The following STON2 variants were observed in gnomAD, a reference collection of about 807,000 sequenced individuals.
STON2 encodes stonin-2.
STON2 carries 29 observed loss-of-function variants against 65.7 expected under a neutral mutation model. The observed-to-expected ratio is 0.44, with a 90% CI of 0.33 to 0.60. The LOEUF is 0.60. STON2 is among the 20% of genes least tolerant of loss of function. The pLI, the probability that STON2 is intolerant of heterozygous loss-of-function variation, is 0.03. For synonymous variants in STON2, 404 were observed against 414.2 expected, an observed-to-expected ratio of 0.98 and a Z score of 0.30; for missense variants, 1,054 against 1,118.1, an observed-to-expected ratio of 0.94 and a Z score of 0.82.
At chr14:81,331,136 C>T (rs1897197648) in intron 4 of STON2, among the ~76,000 whole-genome samples, 1 of 152,178 alleles carries the variant, frequency 6.6e-6, no homozygotes, top group Non-Finnish European at 1.5e-5. Context: ...TGTGTACATA[C>T]CTCAAGGCTA....
At chr14:81,333,021 G>C in intron 4 of STON2, 1 of 577,910 alleles carries the variant, frequency 1.7e-6, no homozygotes, top group Middle Eastern at 5.3e-4. Context: ...TCCTCATTCT[G>C]TTCTTGTGTC....
chr14:81,432,838 T>C (rs764004527), intron 1 of STON2, among the ~76,000 whole-genome samples: 2 of 152,270 alleles, frequency 1.3e-5, no homozygotes, highest in African/African-American at 4.8e-5. Context: ...GCAAAACTTC[T>C]GCATGGAGAA....
chr14:81,288,255 G>A (rs1895416650), intron 5 of STON2, among the ~76,000 whole-genome samples: 1 of 152,192 alleles, frequency 6.6e-6, no homozygotes, highest in Non-Finnish European at 1.5e-5. Context: ...GTTAATGACA[G>A]GAATGTATCC....
intron 6 of STON2, among the ~76,000 whole-genome samples, chr14:81,273,772 C>A (rs780861926): frequency 3.3e-5 from 5 of 152,158 alleles, no homozygotes; most frequent in Non-Finnish European, 5.9e-5. Context: ...ACCTGCTGGC[C>A]TCTGCTGCCT....
intron 5 of STON2, among the ~76,000 whole-genome samples, chr14:81,305,421 T>C (rs1896133859): frequency 6.6e-6 from 1 of 152,220 alleles, no homozygotes; most frequent in African/African-American, 2.4e-5. Flanking sequence ...GTGTGGTGTG[T>C]TATATTGTGG....
chr14:81,314,847 T>G lies in STON2; in HGVS notation c.742+9170A>C, dbSNP rs572411272. Among the ~76,000 whole-genome samples the G allele has an allele frequency of 2.6e-4, 39 of 151,570 alleles. No homozygotes were observed. The East Asian group carries it at 5.8e-3, about 23-fold the overall frequency. ...ACCAAATAAAAATAATACCTCTTTG[T>G]TTTTTTTTGTTTTGTTTTTAGAGAC... On this transcript the variant is annotated intron_variant, in intron 5 of 7. Transcript: ENST00000614646.
intron 3 of STON2, among the ~76,000 whole-genome samples, chr14:81,372,976 C>G (rs1899073567): frequency 6.6e-6 from 1 of 152,066 alleles, no homozygotes; most frequent in Non-Finnish European, 1.5e-5. Flanking sequence ...TTGTTCATAT[C>G]CTCTTTTCTT....
chr14:81,386,826 A>G (rs1036824638), intron 3 of STON2, among the ~76,000 whole-genome samples: 2 of 152,092 alleles, frequency 1.3e-5, no homozygotes, highest in South Asian at 2.1e-4. Context: ...TTGCTCTTTT[A>G]GTCCATTTGT....
At chr14:81,306,162 T>C (rs1017765688) in intron 5 of STON2, among the ~76,000 whole-genome samples, 4 of 143,052 alleles carry the variant, frequency 2.8e-5, no homozygotes, top group African/African-American at 1.1e-4. Flanking sequence ...AATCTCTCTC[T>C]CTCTCTATAT....
rs1376839392 is a variant in STON2, at chr14:81,429,449, A to G, written c.-309-2237T>C. On this transcript the variant is annotated intron_variant, in intron 1 of 8. Transcript: ENST00000553821. ...ATAGACGTTTGACATCCTTAGCTCC[A>G]AAGTGCTTTCCTATTAATACAATGA... Among the ~76,000 whole-genome samples, 13 of 152,366 alleles carry G rather than the reference A, an allele frequency of 8.5e-5. No homozygotes were observed. In the East Asian group the frequency reaches 2.1e-3, roughly 25 times the overall value.
chr14:81,282,138 A>C (rs1404741538), intron 5 of STON2, among the ~76,000 whole-genome samples: 1 of 152,240 alleles, frequency 6.6e-6, no homozygotes, highest in Non-Finnish European at 1.5e-5. Context: ...GATGTTTATT[A>C]CAGCAATGCT....
intron 5 of STON2, among the ~76,000 whole-genome samples, chr14:81,312,737 C>T (rs892102898): frequency 2.0e-5 from 3 of 152,208 alleles, no homozygotes; most frequent in Non-Finnish European, 4.4e-5. Context: ...GATGCATTTG[C>T]TTGTATTGAC....
At position 81,311,442 on chromosome 14, in the gene STON2, T is replaced by G. The variant is rs1896423138; in HGVS notation, c.742+12575A>C. On this transcript the variant is annotated intron_variant, in intron 5 of 7. Transcript: ENST00000614646. ...AGGAGAAAAGAAAAGGCTGAATATCTCTTCAAGATATTATTAAATACAGTA... is the reference window on the plus strand; with the variant it reads ...AGGAGAAAAGAAAAGGCTGAATATCGCTTCAAGATATTATTAAATACAGTA... 2.6e-5 allele frequency among the ~76,000 whole-genome samples: 4 copies of G among 152,192 alleles called. No individual in the cohort carries two copies. In the South Asian group the frequency reaches 8.3e-4, roughly 32 times the overall value.
chr14:81,265,664 A>AATAATAATAATAATG lies in STON2; in HGVS notation c.*2749_*2750insCATTATTATTATTAT, dbSNP rs1184976998. On this transcript the variant is annotated 3_prime_UTR_variant, in exon 8 of 8. Coordinates refer to ENST00000614646, the MANE Select transcript of STON2 (RefSeq NM_001394390.1). Reference sequence around the variant, plus strand: ...TTGTCTCAGTAATAATAATAATAATAATAATAATAATACTCTGTCTCAATA... The same window carrying AATAATAATAATAATG: ...TTGTCTCAGTAATAATAATAATAATAATAATAATAATAATGATAATAATAATACTCTGTCTCAATA... 2 of 554,398 alleles carry AATAATAATAATAATG rather than the reference A, an allele frequency of 3.6e-6. No homozygotes were observed. Among genetic ancestry groups the AATAATAATAATAATG allele is most frequent in the East Asian group, 2.8e-4 (2 of 7,126 alleles). 34.3% of individuals were successfully genotyped at this position (554,398 alleles called of 1,614,324 possible). A position where few individuals can be genotyped will look rare whatever the true frequency, so the allele number is the denominator to read the frequency against.
chr14:81,285,842 T>C (rs1895310118), intron 5 of STON2, among the ~76,000 whole-genome samples: 1 of 152,114 alleles, frequency 6.6e-6, no homozygotes, highest in Admixed American at 6.6e-5. Context: ...CACATGTACC[T>C]GCTGAATCTA....
At chr14:81,415,668 C>CA (rs35270491) in intron 2 of STON2, among the ~76,000 whole-genome samples, 12,290 of 77,064 alleles carry the variant, frequency 0.16, 1,746 homozygotes, top group East Asian at 0.44. Flanking sequence ...GACTCCATCG[C>CA]AAAAAAAAAA....
chr14:81,355,561 G>A (rs1898193673), intron 4 of STON2, among the ~76,000 whole-genome samples: 1 of 152,096 alleles, frequency 6.6e-6, no homozygotes, highest in Non-Finnish European at 1.5e-5. Context: ...TCTGAAATGA[G>A]GGAAAAATAA....
intron 4 of STON2, among the ~76,000 whole-genome samples, chr14:81,344,825 G>T (rs938288232): frequency 1.3e-5 from 2 of 152,066 alleles, no homozygotes; most frequent in Non-Finnish European, 2.9e-5. Context: ...CTGATTATTG[G>T]GATTAAATGA....
chr14:81,381,440 T>C (rs1462511480), intron 3 of STON2, among the ~76,000 whole-genome samples: 1 of 152,120 alleles, frequency 6.6e-6, no homozygotes, highest in Non-Finnish European at 1.5e-5. Flanking sequence ...ACACATTGAA[T>C]GCACCAGGAA....
Sources: allele counts gnomAD v4.1 joint callset (sites outside exome capture counted in the v4.1 genomes callset), GRCh38; gene constraint gnomAD v4.1.1; transcripts MANE v1.5; gene names NCBI Gene and HGNC (gene_info 2026-07-23, HGNC 2026-07-21).